The following TBCEL variants were observed in gnomAD, a reference collection of about 807,000 sequenced individuals.
TBCEL encodes tubulin-specific chaperone cofactor E-like protein.
TBCEL carries 15 observed loss-of-function variants against 44.2 expected under a neutral mutation model. The ratio of observed to expected loss-of-function variants is 0.34; its 90% CI spans 0.23 to 0.52. The LOEUF (loss-of-function observed/expected upper bound fraction) is 0.52, where lower values mean the gene tolerates loss of function less well. Ranked by LOEUF, TBCEL falls within the 20% of genes least tolerant of loss-of-function variation. TBCEL has a pLI of 0.95. For missense variants in TBCEL, 319 were observed against 506.3 expected, an observed-to-expected ratio of 0.63 and a Z score of 3.55; for synonymous variants, 171 against 185.4, an observed-to-expected ratio of 0.92 and a Z score of 0.63.
chr11:121,047,892 T>TGAGCC (rs1395780581), intron 4 of TBCEL: 1 of 363,708 alleles, frequency 2.7e-6, no homozygotes, highest in Non-Finnish European at 4.8e-6. Flanking sequence ...GCCCAGGAAT[T>TGAGCC]CAAGACCAGT....
chr11:121,068,363 C>T (rs565218668), intron 8 of TBCEL, among the ~76,000 whole-genome samples: 3 of 151,854 alleles, frequency 2.0e-5, no homozygotes, highest in Non-Finnish European at 2.9e-5. Flanking sequence ...TTTTTTTTCT[C>T]CCACACCCCA....
chr11:121,059,941 A>T (rs1945689142), intron 7 of TBCEL, 28 bp from the exon 8 acceptor site: 4 of 1,489,778 alleles, frequency 2.7e-6, no homozygotes, highest in South Asian at 1.2e-5. Flanking sequence ...ATCTTAAAAA[A>T]TGTCTTTATT....
chr11:121,081,492 C>G (rs1946124709), intron 8 of TBCEL, among the ~76,000 whole-genome samples: 1 of 152,128 alleles, frequency 6.6e-6, no homozygotes, highest in Admixed American at 6.6e-5. Context: ...GAATATAAAT[C>G]AAAATCATTA....
chr11:121,058,232 T>G (rs1048032337), intron 6 of TBCEL, 113 bp from the exon 7 acceptor site: 1 of 1,296,532 alleles, frequency 7.7e-7, no homozygotes, highest in African/African-American at 1.5e-5. Flanking sequence ...CCGTTTAGTT[T>G]ATGATCATTT....
At chr11:121,026,218 C>T (rs780961378) in intron 1 of TBCEL, among the ~76,000 whole-genome samples, 16 of 152,116 alleles carry the variant, frequency 1.1e-4, no homozygotes, top group Non-Finnish European at 1.5e-4. Context: ...AATCATAAAC[C>T]TAAGTATAAC....
chr11:121,080,724 A>C (rs1364979229), intron 8 of TBCEL, among the ~76,000 whole-genome samples: 1 of 152,240 alleles, frequency 6.6e-6, no homozygotes, highest in African/African-American at 2.4e-5. Context: ...AGTCTTTTTC[A>C]AATAGTGTAC....
chr11:121,032,963 C>T (rs1945169535), intron 1 of TBCEL, among the ~76,000 whole-genome samples: 1 of 152,208 alleles, frequency 6.6e-6, no homozygotes, highest in Non-Finnish European at 1.5e-5. Context: ...GAATGAGACT[C>T]AACCTATGAA....
chr11:121,081,424 A>G (rs1239368719), intron 8 of TBCEL, among the ~76,000 whole-genome samples: 1 of 152,234 alleles, frequency 6.6e-6, no homozygotes, highest in East Asian at 1.9e-4. Context: ...ACACTTCAGA[A>G]GTGGGGCTTA....
chr11:121,055,199 A>G lies in TBCEL; in HGVS notation c.603A>G (p.Ser201=), dbSNP rs972394299. ...GAAAGTTAGGAGTTATGTTTCCTTCACTGGATACCCTCGTCCTGGCCAACA... is the reference window on the plus strand; with the variant it reads ...GAAAGTTAGGAGTTATGTTTCCTTCGCTGGATACCCTCGTCCTGGCCAACA... ...EIRKLGVMFP[S]LDTLVLANNH... Residue 201 remains serine, a synonymous_variant, in exon 6 of 9, where the codon TCA becomes TCG. Transcript: ENST00000683345. 2 of 1,612,168 alleles carry G rather than the reference A, an allele frequency of 1.2e-6. No individual in the cohort carries two copies. The highest frequency in any genetic ancestry group is 1.7e-6 in the Non-Finnish European group (2 of 1,179,014).
intron 6 of TBCEL, chr11:121,057,549 T>G (rs1293973380): frequency 2.2e-6 from 1 of 452,464 alleles, no homozygotes; most frequent in Non-Finnish European, 4.4e-6. Context: ...CAGTCAACCC[T>G]CCATATTCAT....
intron 8 of TBCEL, among the ~76,000 whole-genome samples, chr11:121,064,272 A>G (rs1283006458): frequency 1.3e-5 from 2 of 152,202 alleles, no homozygotes; most frequent in African/African-American, 4.8e-5. Flanking sequence ...ACAAAGGATA[A>G]CTGGTATCAC....
At chr11:121,080,167 A>C (rs557789919) in intron 8 of TBCEL, among the ~76,000 whole-genome samples, 7 of 152,272 alleles carry the variant, frequency 4.6e-5, no homozygotes, top group Non-Finnish European at 1.0e-4. Flanking sequence ...AACCAAGTGA[A>C]CCATCTGGGA....
chr11:121,068,745 G>A (rs2134985034), intron 8 of TBCEL, among the ~76,000 whole-genome samples: 1 of 152,074 alleles, frequency 6.6e-6, no homozygotes, highest in East Asian at 1.9e-4. Flanking sequence ...AAATTACTTA[G>A]GCATGGTAGT....
At position 121,033,033 on chromosome 11, in the gene TBCEL, A is replaced by T. The variant is rs1488026355; in HGVS notation, c.-125-3472A>T. On this transcript the variant is annotated intron_variant, in intron 1 of 8. Coordinates refer to ENST00000683345, the MANE Select transcript of TBCEL (RefSeq NM_001363644.2). ...GCATTAGCACTTTCCCCTCTCTGTC[A>T]TATTTACACATATCTTTATAGCATT... Among the ~76,000 whole-genome samples the T allele has an allele frequency of 2.0e-5, 3 of 152,190 alleles. No homozygotes were observed. The South Asian group carries it at 6.2e-4, about 32-fold the overall frequency.
Position 121,086,777 on chromosome 11 carries a change from G to A in TBCEL, c.957-1G>A. 6.2e-7 allele frequency: 1 copy of A among 1,608,150 alleles called. No individual in the cohort carries two copies. The highest frequency in any genetic ancestry group is 8.5e-7 in the Non-Finnish European group (1 of 1,177,314). ...GACAGTGTTGTTTTTAATCCTTCTAGGTATCATGAACTGATCACTAAATAT... is the reference window on the plus strand; with the variant it reads ...GACAGTGTTGTTTTTAATCCTTCTAAGTATCATGAACTGATCACTAAATAT... On this transcript the variant is annotated splice_acceptor_variant, in intron 8 of 8. Coordinates refer to ENST00000683345, the MANE Select transcript of TBCEL (RefSeq NM_001363644.2). LOFTEE classifies it high-confidence loss of function.
chr11:121,049,581 A>G (rs1401259572), intron 4 of TBCEL, among the ~76,000 whole-genome samples: 1 of 151,850 alleles, frequency 6.6e-6, no homozygotes, highest in Admixed American at 6.6e-5. Flanking sequence ...TACTTATCTG[A>G]ACAACTTGTA....
chr11:121,069,434 T>G (rs1219035800), intron 8 of TBCEL, among the ~76,000 whole-genome samples: 1 of 152,126 alleles, frequency 6.6e-6, no homozygotes, highest in Non-Finnish European at 1.5e-5. Flanking sequence ...GAAGTAAAGG[T>G]ACAGAGGTAT....
chr11:121,052,050 G>A (rs1049801252), intron 4 of TBCEL, among the ~76,000 whole-genome samples: 15 of 151,748 alleles, frequency 9.9e-5, no homozygotes, highest in Admixed American at 8.5e-4. Context: ...CACCTATGAA[G>A]CTTCTGATTC....
At chr11:121,029,461 T>C (rs1053294509) in intron 1 of TBCEL, among the ~76,000 whole-genome samples, 2 of 152,226 alleles carry the variant, frequency 1.3e-5, no homozygotes, top group African/African-American at 4.8e-5. Context: ...ACAATAACTG[T>C]GAAATGGCTA....
Sources: gnomAD v4.1 joint callset for allele counts (sites outside exome capture counted in the v4.1 genomes callset) on GRCh38, gnomAD v4.1.1 for gene constraint, MANE v1.5 for transcripts, NCBI Gene and HGNC (gene_info 2026-07-23, HGNC 2026-07-21) for gene names.